Variants in DGKG observed in about 807,000 individuals in gnomAD.
DGKG encodes DAG kinase gamma.
Under a neutral mutation model 105.3 loss-of-function variants are expected in DGKG, and 78 were observed. The ratio of observed to expected loss-of-function variants is 0.74; its 90% CI spans 0.62 to 0.89. The LOEUF is 0.89. Ranked by LOEUF, DGKG falls within the 40% of genes least tolerant of loss-of-function variation. The pLI, the probability that DGKG is intolerant of heterozygous loss-of-function variation, is 0.00. For synonymous variants in DGKG, 346 were observed against 367.1 expected, an observed-to-expected ratio of 0.94 and a Z score of 0.66; for missense variants, 958 against 1,020.1, an observed-to-expected ratio of 0.94 and a Z score of 0.83.
At chr3:186,351,887 G>A (rs1726647731) in intron 1 of DGKG, among the ~76,000 whole-genome samples, 1 of 152,226 alleles carries the variant, frequency 6.6e-6, no homozygotes, top group African/African-American at 2.4e-5. Flanking sequence ...GAGGAGCTAA[G>A]GAATTAAAAG....
At chr3:186,187,519 G>A (rs1717701315) in intron 22 of DGKG, among the ~76,000 whole-genome samples, 1 of 152,236 alleles carries the variant, frequency 6.6e-6, no homozygotes, top group African/African-American at 2.4e-5. Context: ...GACATACCAA[G>A]TTTGAGGTGT....
At position 186,191,149 on chromosome 3, in the gene DGKG, G is replaced by A. The variant is rs189480205; in HGVS notation, c.1918-2770C>T. Among the ~76,000 whole-genome samples, 44 of 152,200 alleles carry A rather than the reference G, an allele frequency of 2.9e-4. 1 individual carries two copies. In the East Asian group the frequency reaches 4.2e-3, roughly 15 times the overall value. On this transcript the variant is annotated intron_variant, in intron 21 of 24. Coordinates refer to ENST00000265022, the MANE Select transcript of DGKG (RefSeq NM_001346.3). Reference sequence around the variant, plus strand: ...CCAGGTCTCCAGACCTCAATCCTGCGTTCTTTCCATGAAAACATAAAACAT... The same window carrying A: ...CCAGGTCTCCAGACCTCAATCCTGCATTCTTTCCATGAAAACATAAAACAT...
rs1715673352 is a variant in DGKG, at chr3:186,149,892, G to A, written c.*198C>T. 1.4e-6 allele frequency: 2 copies of A among 1,394,194 alleles called. No homozygotes were observed. The highest frequency in any genetic ancestry group is 1.9e-6 in the Non-Finnish European group (2 of 1,078,640). 86.4% of individuals were successfully genotyped at this position (1,394,194 alleles called of 1,614,324 possible). On this transcript the variant is annotated 3_prime_UTR_variant, in exon 25 of 25. Coordinates refer to ENST00000265022, the MANE Select transcript of DGKG (RefSeq NM_001346.3). ...GTTTTGTTGGCACTGGCTCTGTTAG[G>A]GGTGTACCCACTGTTGAAACAGAAT...
chr3:186,264,036 A>T (rs1228043206), intron 14 of DGKG, among the ~76,000 whole-genome samples: 1 of 152,174 alleles, frequency 6.6e-6, no homozygotes, highest in African/African-American at 2.4e-5. Context: ...ACCTCTGGAG[A>T]TGATATTCAA....
chr3:186,335,058 T>G (rs751594155), intron 1 of DGKG, among the ~76,000 whole-genome samples: 2 of 152,132 alleles, frequency 1.3e-5, no homozygotes, highest in Non-Finnish European at 2.9e-5. Context: ...ATAAAAGGTG[T>G]TGTAAGACCT....
chr3:186,207,406 C>T (rs2108516284), intron 21 of DGKG: 2 of 969,226 alleles, frequency 2.1e-6, no homozygotes, highest in African/African-American at 1.8e-5. Flanking sequence ...GGTTATGGAC[C>T]TCAGGTGAGC....
At position 186,275,595 on chromosome 3, in the gene DGKG, A is replaced by G. The variant is rs1222063890; in HGVS notation, c.862T>C (p.Cys288Arg). ...CGGACGCCCATGAGCATGATATGGC[A>G]GAAGTTGCAGTAGGTTGGTTTCTTG... Reference protein sequence around the residue: ...HFKKPTYCNFCHIMLMGVRKQ... With the variant: ...HFKKPTYCNFRHIMLMGVRKQ... The change falls in exon 10 of 25, where the codon TGC becomes CGC. Residue 288 changes from cysteine to arginine, a missense_variant. Cys to Arg is a radical substitution (Grantham distance 180, BLOSUM62 -3). Coordinates refer to ENST00000265022, the MANE Select transcript of DGKG (RefSeq NM_001346.3). 1 of 1,614,138 alleles carries G rather than the reference A, an allele frequency of 6.2e-7. No individual in the cohort carries two copies. Among genetic ancestry groups the G allele is most frequent in the African/African-American group, 1.3e-5 (1 of 74,952 alleles).
At chr3:186,189,439 C>T (rs1489181013) in intron 21 of DGKG, among the ~76,000 whole-genome samples, 2 of 152,174 alleles carry the variant, frequency 1.3e-5, no homozygotes, top group Non-Finnish European at 2.9e-5. Flanking sequence ...ATTTCACTTA[C>T]AGAAGCAAAC....
rs149834176 is a variant in DGKG, at chr3:186,271,703, G to T, written c.999+552C>A. 7.6e-3 allele frequency among the ~76,000 whole-genome samples: 1,157 copies of T among 152,290 alleles called. 12 individuals carry two copies. The highest frequency in any genetic ancestry group is 0.033 in the South Asian group (157 of 4,822). ...GGCCAGATCTCACCACTTTCTGAGT[G>T]CATCTCCTGCCACTTCCCTTTAAGC... On this transcript the variant is annotated intron_variant, in intron 11 of 24. Transcript: ENST00000265022.
chr3:186,355,481 C>G (rs371610621), intron 1 of DGKG, among the ~76,000 whole-genome samples: 39 of 151,684 alleles, frequency 2.6e-4, no homozygotes, highest in African/African-American at 8.7e-4. Flanking sequence ...CCCACAACCA[C>G]TACCATCACC....
chr3:186,293,746 C>G (rs1419938952), intron 5 of DGKG, among the ~76,000 whole-genome samples: 1 of 152,190 alleles, frequency 6.6e-6, no homozygotes, highest in Non-Finnish European at 1.5e-5. Context: ...TGGCTTCCAC[C>G]TGGGCAACAG....
intron 24 of DGKG, among the ~76,000 whole-genome samples, chr3:186,157,263 T>A (rs979501580): frequency 6.6e-6 from 1 of 152,126 alleles, no homozygotes; most frequent in African/African-American, 2.4e-5. Context: ...TATTTTATCA[T>A]GTAGTTTTTC....
intron 17 of DGKG, among the ~76,000 whole-genome samples, chr3:186,256,306 C>T (rs1721469002): frequency 6.6e-6 from 1 of 152,184 alleles, no homozygotes; most frequent in South Asian, 2.1e-4. Context: ...TTACAGCCCC[C>T]GGAGGCACGG....
At chr3:186,314,222 C>T (rs1389957206) in intron 2 of DGKG, among the ~76,000 whole-genome samples, 3 of 116,726 alleles carry the variant, frequency 2.6e-5, no homozygotes, top group African/African-American at 9.6e-5. Context: ...CACACACACA[C>T]ACATTAATGT....
intron 1 of DGKG, among the ~76,000 whole-genome samples, chr3:186,326,227 A>G (rs1202731026): frequency 1.3e-5 from 2 of 152,144 alleles, no homozygotes; most frequent in Non-Finnish European, 2.9e-5. Context: ...CTCTGTCTCT[A>G]TTAAAAATAC....
chr3:186,156,978 TTTTTCTAATTATA>T (rs1488709559), intron 24 of DGKG, among the ~76,000 whole-genome samples: 2 of 152,050 alleles, frequency 1.3e-5, no homozygotes, highest in African/African-American at 4.8e-5. Flanking sequence ...ATTATATTTC[TTTTTCTAATTATA>T]TTTTCTAATT....
chr3:186,199,122 A>AT (rs934876406), intron 21 of DGKG, among the ~76,000 whole-genome samples: 2 of 151,454 alleles, frequency 1.3e-5, no homozygotes, highest in African/African-American at 2.4e-5. Context: ...TAATTTATGT[A>AT]TTTTTTTTAG....
At chr3:186,281,999 C>G (rs2108596454) in intron 7 of DGKG, among the ~76,000 whole-genome samples, 1 of 152,286 alleles carries the variant, frequency 6.6e-6, no homozygotes, top group Non-Finnish European at 1.5e-5. Flanking sequence ...TTAAGCCTGC[C>G]TTATGAGAAC....
chr3:186,357,725 G>A (rs945439334), intron 1 of DGKG, among the ~76,000 whole-genome samples: 8 of 152,140 alleles, frequency 5.3e-5, no homozygotes, highest in African/African-American at 1.4e-4. Context: ...TCATCTCTTC[G>A]GGGCTAGGCA....
Sources: allele counts gnomAD v4.1 joint callset (sites outside exome capture counted in the v4.1 genomes callset), GRCh38; gene constraint gnomAD v4.1.1; transcripts MANE v1.5; gene names NCBI Gene and HGNC (gene_info 2026-07-23, HGNC 2026-07-21).